The following REEP1 variants were observed in gnomAD, a reference collection of about 807,000 sequenced individuals.
REEP1 encodes the protein receptor expression-enhancing protein 1.
In REEP1, 22 loss-of-function variants were observed where a neutral mutation model predicts 40.3. That is an observed-to-expected ratio of 0.55 (90% confidence interval 0.39 to 0.78). The LOEUF (loss-of-function observed/expected upper bound fraction) is 0.78. Ranked by LOEUF, REEP1 falls within the 30% of genes least tolerant of loss-of-function variation. The pLI is 0.00. For synonymous variants in REEP1, 116 were observed against 139.2 expected (o/e 0.83, Z 1.17); for missense variants, 280 against 361.1 (o/e 0.78, Z 1.82).
intron 6 of REEP1, 65 bp from the exon 7 acceptor site, chr2:86,227,463 A>C (rs1674769974): frequency 2.5e-6 from 3 of 1,214,362 alleles, no homozygotes; most frequent in African/African-American, 1.6e-5. Context: ...AGCCCCGGGC[A>C]AACAGGGAGG....
chr2:86,247,516 T>C (rs190321577), intron 5 of REEP1, among the ~76,000 whole-genome samples: 156 of 152,166 alleles, frequency 1.0e-3, no homozygotes, highest in African/African-American at 3.2e-3. Flanking sequence ...CTAAGCAACA[T>C]AGAAAGACCT....
chr2:86,261,698 G>A (rs895229376), intron 3 of REEP1, among the ~76,000 whole-genome samples: 4 of 152,202 alleles, frequency 2.6e-5, no homozygotes, highest in African/African-American at 7.2e-5. Flanking sequence ...AGACCTGACC[G>A]TCCCCCAGCC....
At chr2:86,310,450 C>T (rs374302694) in intron 1 of REEP1, among the ~76,000 whole-genome samples, 103 of 152,216 alleles carry the variant, frequency 6.8e-4, no homozygotes, top group African/African-American at 1.7e-3. Context: ...GGGTAGCAGG[C>T]GGTACCACCT....
chr2:86,304,871 T>C, intron 1 of REEP1, among the ~76,000 whole-genome samples: 1 of 152,182 alleles, frequency 6.6e-6, no homozygotes, highest in Non-Finnish European at 1.5e-5. Flanking sequence ...AAACAAAGAC[T>C]GTAAACTTAA....
intron 4 of REEP1, among the ~76,000 whole-genome samples, chr2:86,254,355 A>G (rs1402970099): frequency 6.6e-6 from 1 of 152,202 alleles, no homozygotes; most frequent in African/African-American, 2.4e-5. Context: ...AAAATAGTCT[A>G]TGTAAAAATC....
At chr2:86,232,950 G>A in intron 5 of REEP1, 148 bp from the exon 6 acceptor site, 2 of 802,800 alleles carry the variant, frequency 2.5e-6, no homozygotes, top group East Asian at 5.4e-5. Flanking sequence ...CATAGCTGCT[G>A]GAAACACAGA....
intron 1 of REEP1, among the ~76,000 whole-genome samples, chr2:86,307,320 C>A (rs894268162): frequency 1.3e-5 from 2 of 151,988 alleles, no homozygotes; most frequent in African/African-American, 2.4e-5. Context: ...GTCACACACA[C>A]AAAATCAGAA....
At chr2:86,303,891 G>C (rs10210905) in intron 1 of REEP1, among the ~76,000 whole-genome samples, 121,384 of 152,050 alleles carry the variant, frequency 0.8, 49,578 homozygotes, top group East Asian at 0.96. Context: ...CTGAGGGGAG[G>C]AATCACCCCC....
chr2:86,232,526 G>T, intron 6 of REEP1, 99 bp downstream of exon 6: 1 of 1,425,422 alleles, frequency 7.0e-7, no homozygotes. Context: ...CAGGTCCGTG[G>T]GGCCAGGGCC....
chr2:86,332,475 G>A (rs1478875062), intron 1 of REEP1, among the ~76,000 whole-genome samples: 2 of 73,980 alleles, frequency 2.7e-5, no homozygotes, highest in Admixed American at 1.2e-4. Flanking sequence ...ACACACACAC[G>A]TTCACTCACA....
At position 86,264,552 on chromosome 2, in the gene REEP1, T is replaced by C. The variant is rs564254586; in HGVS notation, c.106-511A>G. Among the ~76,000 whole-genome samples, 11 of 152,230 alleles carry C rather than the reference T, an allele frequency of 7.2e-5. 1 individual carries two copies. In the East Asian group the frequency reaches 1.9e-3, roughly 27 times the overall value. ...TTGAACTACTCCTACTTCCCTTGTT[T>C]CCTGACTTTCCCCTCAGCAACCCAT... On this transcript the variant is annotated intron_variant, in intron 2 of 8. Coordinates refer to ENST00000538924, the MANE Select transcript of REEP1 (RefSeq NM_001371279.1).
chr2:86,240,572 C>T (rs569858234), intron 5 of REEP1, among the ~76,000 whole-genome samples: 6 of 152,236 alleles, frequency 3.9e-5, no homozygotes, highest in South Asian at 4.1e-4. Context: ...ACCTGGGAAA[C>T]GGTGAGTGAA....
chr2:86,291,287 C>A (rs187340057), intron 1 of REEP1, among the ~76,000 whole-genome samples: 6 of 152,282 alleles, frequency 3.9e-5, no homozygotes, highest in Admixed American at 3.9e-4. Context: ...AATGAAATTC[C>A]ACTCTGGCCC....
chr2:86,236,846 T>G (rs973484844), intron 5 of REEP1, among the ~76,000 whole-genome samples: 1 of 152,140 alleles, frequency 6.6e-6, no homozygotes, highest in Non-Finnish European at 1.5e-5. Context: ...CGCATTCTCT[T>G]GCCTCAACCT....
At chr2:86,337,674 G>T, upstream of REEP1, 2 of 1,005,746 alleles carry the variant, frequency 2.0e-6, no homozygotes, top group African/African-American at 3.5e-5. This position sits in a 1 kb window ranked among gnomAD's most constrained non-coding sequence, Gnocchi z 5.8. Context: ...GCGCAGCCGC[G>T]GCACGTTCTG....
At chr2:86,287,552 G>A (rs1022975973) in intron 1 of REEP1, among the ~76,000 whole-genome samples, 4 of 152,130 alleles carry the variant, frequency 2.6e-5, no homozygotes, top group African/African-American at 4.8e-5. Flanking sequence ...TTTGAATTAT[G>A]TTTTCTGAAG....
intron 1 of REEP1, among the ~76,000 whole-genome samples, chr2:86,301,496 AT>A (rs1464617332): frequency 6.6e-6 from 1 of 152,228 alleles, no homozygotes; most frequent in Non-Finnish European, 1.5e-5. Flanking sequence ...ACTAACAACA[AT>A]TCCTATTTTG....
chr2:86,337,496 G>T lies in REEP1; in HGVS notation c.15C>A (p.Ile5=), dbSNP rs1213939358. Residue 5 remains isoleucine, a synonymous_variant, in exon 1 of 9, where the codon ATC becomes ATA. Coordinates refer to ENST00000538924, the MANE Select transcript of REEP1 (RefSeq NM_001371279.1). The surrounding 1 kb of genome is among the most constrained non-coding windows in gnomAD (Gnocchi z 5.8). MVSW[I]ISRLVVLIFG... The stretch of plus-strand genomic sequence containing the variant: ...CCACTTACACCACCAGCCTGGAGAT[G>T]ATCCATGACACCATGGCGGGCAGGC... 4.6e-6 allele frequency: 6 copies of T among 1,300,422 alleles called. No individual in the cohort carries two copies. The Admixed American group carries it at 1.3e-4, about 29-fold the overall frequency. The allele number at this position is 1,300,422 out of a possible 1,614,324, so 80.6% of individuals were successfully genotyped here. A position where few individuals can be genotyped will look rare whatever the true frequency, so the allele number is the denominator to read the frequency against.
At chr2:86,241,671 T>C (rs1156247557) in intron 5 of REEP1, among the ~76,000 whole-genome samples, 1 of 152,158 alleles carries the variant, frequency 6.6e-6, no homozygotes, top group Non-Finnish European at 1.5e-5. Flanking sequence ...CTGGTGCCGA[T>C]CACAGCTCAA....
Sources: gnomAD v4.1 joint callset for allele counts (sites outside exome capture counted in the v4.1 genomes callset) on GRCh38, gnomAD v4.1.1 for gene constraint, Gnocchi (gnomAD v3.1) non-coding constraint, MANE v1.5 for transcripts, NCBI Gene and HGNC (gene_info 2026-07-23, HGNC 2026-07-21) for gene names.